GLI3: variants seen among roughly 807,000 people sequenced by gnomAD.
GLI3 encodes transcription activator GLI3.
Under a neutral mutation model 100.8 loss-of-function variants are expected in GLI3, and 20 were observed. That is an observed-to-expected ratio of 0.20 (90% CI 0.14 to 0.29). GLI3 has a LOEUF of 0.29. GLI3 is among the 10% of genes least tolerant of loss of function. The pLI is 1.00. For missense variants in GLI3, 2,040 were observed against 2,128.5 expected, an observed-to-expected ratio of 0.96 and a Z score of 0.82; for synonymous variants, 938 against 860.5, an observed-to-expected ratio of 1.09 and a Z score of -1.58.
chr7:42,171,089 C>T (rs1375778159), intron 2 of GLI3, among the ~76,000 whole-genome samples: 1 of 152,192 alleles, frequency 6.6e-6, no homozygotes, highest in Non-Finnish European at 1.5e-5. Flanking sequence ...GCTCTAGGAA[C>T]TGTATTATCA....
At chr7:42,117,503 A>G (rs1785889236) in intron 3 of GLI3, among the ~76,000 whole-genome samples, 1 of 152,198 alleles carries the variant, frequency 6.6e-6, no homozygotes, top group Admixed American at 6.5e-5. Flanking sequence ...AAAATGACCA[A>G]TGACTGAGCA....
chr7:42,168,351 T>G (rs1330916138), intron 2 of GLI3, among the ~76,000 whole-genome samples: 1 of 152,222 alleles, frequency 6.6e-6, no homozygotes, highest in African/African-American at 2.4e-5. Flanking sequence ...CAAGAAAGTT[T>G]GTGAAAATAT....
At chr7:42,000,575 A>T (rs1319024509) in intron 10 of GLI3, among the ~76,000 whole-genome samples, 1 of 152,058 alleles carries the variant, frequency 6.6e-6, no homozygotes, top group Admixed American at 6.5e-5. Flanking sequence ...GTAAACAAAG[A>T]ATTGAAAAAC....
At chr7:42,000,627 T>TAA (rs3216239) in intron 10 of GLI3, among the ~76,000 whole-genome samples, 1 of 151,650 alleles carries the variant, frequency 6.6e-6, no homozygotes, top group African/African-American at 2.4e-5. Context: ...TGTCCCCAAA[T>TAA]AAAAAAAGCA....
At chr7:42,252,666 A>C (rs946139268) in intron 1 of GLI3, among the ~76,000 whole-genome samples, 2 of 152,180 alleles carry the variant, frequency 1.3e-5, no homozygotes, top group Admixed American at 6.5e-5. Flanking sequence ...TTATTTCAAG[A>C]AAAGTAAAAG....
intron 10 of GLI3, among the ~76,000 whole-genome samples, chr7:42,005,470 C>T (rs1241338141): frequency 6.6e-6 from 1 of 150,672 alleles, no homozygotes; most frequent in Non-Finnish European, 1.5e-5. Flanking sequence ...CACACACACA[C>T]ACACACACAC....
At position 42,069,491 on chromosome 7, in the gene GLI3, C is replaced by T. The variant is rs1427893206; in HGVS notation, c.473+7261G>A. ...TCTTGAAAATTAGGCAGGACTTAAACTTTTTCAGTTAATCACGAGAAATGA... is the reference window on the plus strand; with the variant it reads ...TCTTGAAAATTAGGCAGGACTTAAATTTTTTCAGTTAATCACGAGAAATGA... On this transcript the variant is annotated intron_variant, in intron 4 of 14. Coordinates refer to ENST00000395925, the MANE Select transcript of GLI3 (RefSeq NM_000168.6). 2.0e-5 allele frequency among the ~76,000 whole-genome samples: 3 copies of T among 152,152 alleles called. No homozygotes were observed. In the East Asian group the frequency reaches 5.8e-4, roughly 29 times the overall value.
At chr7:42,124,416 A>G (rs1355476213) in intron 3 of GLI3, among the ~76,000 whole-genome samples, 1 of 152,210 alleles carries the variant, frequency 6.6e-6, no homozygotes, top group East Asian at 1.9e-4. Context: ...TTTTAATTCT[A>G]AGTGCTCCTC....
intron 4 of GLI3, among the ~76,000 whole-genome samples, chr7:42,064,398 C>T (rs1004015840): frequency 5.9e-5 from 9 of 152,058 alleles, no homozygotes; most frequent in African/African-American, 7.2e-5. Flanking sequence ...GCAGAGATGA[C>T]GGAAAGTGCT....
At chr7:42,164,641 T>C (rs1224917372) in intron 2 of GLI3, among the ~76,000 whole-genome samples, 1 of 151,802 alleles carries the variant, frequency 6.6e-6, no homozygotes, top group Non-Finnish European at 1.5e-5. Flanking sequence ...CCATCCTGGC[T>C]AACACGGTGA....
chr7:42,009,125 C>T (rs1211764757), intron 10 of GLI3, among the ~76,000 whole-genome samples: 1 of 152,204 alleles, frequency 6.6e-6, no homozygotes, highest in Non-Finnish European at 1.5e-5. Context: ...AACTACATCT[C>T]CTAACTGCTG....
At chr7:42,150,364 T>C (rs562639389) in intron 2 of GLI3, among the ~76,000 whole-genome samples, 6 of 152,188 alleles carry the variant, frequency 3.9e-5, no homozygotes, top group African/African-American at 4.8e-5. Flanking sequence ...TGTACTTCAT[T>C]AGCAGAAAAT....
rs530316521 is a variant in GLI3 at position 42,230,539 on chromosome 7, G to C, written c.-43+6432C>G. The stretch of plus-strand genomic sequence containing the variant: ...AACCACTGAAAAGCTTATTTGACAT[G>C]AAAGTAATCATTGCTACTGCAGTTA... On this transcript the variant is annotated intron_variant, in intron 1 of 14. Transcript: ENST00000395925. Among the ~76,000 whole-genome samples, 10 of 152,336 alleles carry C rather than the reference G, an allele frequency of 6.6e-5. No individual in the cohort carries two copies. In the East Asian group the frequency reaches 7.7e-4, roughly 12 times the overall value.
At chr7:42,039,048 T>G (rs560860670) in intron 7 of GLI3, among the ~76,000 whole-genome samples, 1 of 152,272 alleles carries the variant, frequency 6.6e-6, no homozygotes, top group African/African-American at 2.4e-5. Flanking sequence ...AAACTACAAT[T>G]CAAAAAGATT....
Position 41,967,746 on chromosome 7 carries a change from G to C in GLI3, c.2281C>G (p.Leu761Val), listed in dbSNP as rs2128707065. Residue 761 changes from leucine to valine, a missense_variant, in exon 14 of 15, where the codon CTT (leucine) becomes GTT (valine). Coordinates refer to ENST00000395925, the MANE Select transcript of GLI3 (RefSeq NM_000168.6). ...DSTISTATTA[L>V]ALQARRNPAG... ...GGGTTTCTCCTGGCTTGCAAAGCAAGGGCTGTGGTTGCAGTGGAAATGGTT... is the reference window on the plus strand; with the variant it reads ...GGGTTTCTCCTGGCTTGCAAAGCAACGGCTGTGGTTGCAGTGGAAATGGTT... The C allele has an allele frequency of 6.2e-7, 1 of 1,614,220 alleles. No homozygotes were observed. The highest frequency in any genetic ancestry group is 2.2e-5 in the East Asian group (1 of 44,880).
intron 3 of GLI3, among the ~76,000 whole-genome samples, chr7:42,079,476 T>TA (rs1784954482): frequency 6.6e-6 from 1 of 152,214 alleles, no homozygotes; most frequent in Non-Finnish European, 1.5e-5. Context: ...GGGGTGGCTC[T>TA]TCTTTCTCTT....
At chr7:42,132,872 C>A (rs1226244601) in intron 3 of GLI3, among the ~76,000 whole-genome samples, 1 of 151,622 alleles carries the variant, frequency 6.6e-6, no homozygotes, top group African/African-American at 2.4e-5. Context: ...TAAACTGAGA[C>A]TGGAAAAAAG....
intron 4 of GLI3, among the ~76,000 whole-genome samples, chr7:42,074,096 C>T (rs563593982): frequency 6.6e-6 from 1 of 152,264 alleles, no homozygotes; most frequent in African/African-American, 2.4e-5. Flanking sequence ...TAGAAACTCC[C>T]AGTATTTTTC....
At chr7:42,136,440 T>C (rs1562751236) in intron 3 of GLI3, among the ~76,000 whole-genome samples, 1 of 152,016 alleles carries the variant, frequency 6.6e-6, no homozygotes, top group Non-Finnish European at 1.5e-5. Context: ...CTAAAGAAGA[T>C]CACATAATGA....
Sources: allele counts gnomAD v4.1 joint callset (sites outside exome capture counted in the v4.1 genomes callset), GRCh38; gene constraint gnomAD v4.1.1; transcripts MANE v1.5; gene names NCBI Gene and HGNC (gene_info 2026-07-23, HGNC 2026-07-21).